Variants in PLA2G4A observed in about 807,000 individuals in gnomAD.
The protein encoded by PLA2G4A is cytosolic phospholipase A2.
In PLA2G4A, 40 loss-of-function variants were observed where a neutral mutation model predicts 81.9. That is an observed-to-expected ratio of 0.49 (90% CI 0.38 to 0.64). The LOEUF is 0.64. Among genes scored for constraint, PLA2G4A ranks in the 30% least tolerant of loss-of-function variants. The pLI is 0.00. For missense variants in PLA2G4A, 715 were observed against 905.1 expected (o/e 0.79, Z 2.69); for synonymous variants, 302 against 296.9 (o/e 1.02, Z -0.18).
At chr1:186,958,155 T>C (rs1302866956) in intron 14 of PLA2G4A, among the ~76,000 whole-genome samples, 1 of 152,106 alleles carries the variant, frequency 6.6e-6, no homozygotes, top group Non-Finnish European at 1.5e-5. Context: ...ACTCATTATA[T>C]TTTGTGTTAT....
chr1:186,837,850 A>G (rs1488434479), intron 1 of PLA2G4A, among the ~76,000 whole-genome samples: 2 of 151,798 alleles, frequency 1.3e-5, no homozygotes, highest in Admixed American at 1.3e-4. Flanking sequence ...GAGGAGAGGG[A>G]TTTTGCATCC....
chr1:186,924,915 G>T (rs1156284356), intron 7 of PLA2G4A, among the ~76,000 whole-genome samples: 2 of 152,088 alleles, frequency 1.3e-5, no homozygotes, highest in Admixed American at 6.5e-5. Flanking sequence ...AGGTATGGTA[G>T]TGCGCACCTG....
At chr1:186,840,493 G>A (rs1198311161) in intron 1 of PLA2G4A, among the ~76,000 whole-genome samples, 2 of 152,034 alleles carry the variant, frequency 1.3e-5, no homozygotes, top group Non-Finnish European at 2.9e-5. Flanking sequence ...TTTAGTGGCC[G>A]AACTTTACAG....
At chr1:186,914,915 G>T (rs1199066964) in intron 7 of PLA2G4A, among the ~76,000 whole-genome samples, 1 of 152,170 alleles carries the variant, frequency 6.6e-6, no homozygotes, top group Non-Finnish European at 1.5e-5. Context: ...TTGCAAGACG[G>T]ATCAATAGTG....
At chr1:186,959,095 C>A (rs1322866408) in intron 14 of PLA2G4A, among the ~76,000 whole-genome samples, 1 of 151,948 alleles carries the variant, frequency 6.6e-6, no homozygotes, top group African/African-American at 2.4e-5. Context: ...GAATTTTCAT[C>A]TTCTTTCTGT....
chr1:186,940,701 G>A (rs1656120623), intron 10 of PLA2G4A, among the ~76,000 whole-genome samples: 2 of 152,130 alleles, frequency 1.3e-5, no homozygotes. Flanking sequence ...ACAAAAGTCT[G>A]TACATGTTTA....
At chr1:186,924,345 A>T (rs1265182031) in intron 7 of PLA2G4A, among the ~76,000 whole-genome samples, 1 of 152,240 alleles carries the variant, frequency 6.6e-6, no homozygotes, top group Non-Finnish European at 1.5e-5. Context: ...CACCAGTGCT[A>T]ATAAATGCAC....
chr1:186,852,139 G>T (rs1293951199), intron 1 of PLA2G4A, among the ~76,000 whole-genome samples: 1 of 151,740 alleles, frequency 6.6e-6, no homozygotes, highest in East Asian at 1.9e-4. Flanking sequence ...GCCTACACAG[G>T]GACTGGAAAT....
chr1:186,861,002 G>A (rs1250946781), intron 2 of PLA2G4A, among the ~76,000 whole-genome samples: 1 of 152,130 alleles, frequency 6.6e-6, no homozygotes, highest in Non-Finnish European at 1.5e-5. Flanking sequence ...ATGCTAGTTT[G>A]TAGTCTTGGT....
At chr1:186,916,307 C>T (rs1655135221) in intron 7 of PLA2G4A, among the ~76,000 whole-genome samples, 1 of 152,222 alleles carries the variant, frequency 6.6e-6, no homozygotes, top group Non-Finnish European at 1.5e-5. Flanking sequence ...TTACATTGTC[C>T]CTTAGTACAG....
At chr1:186,901,602 T>C (rs1003857387) in intron 5 of PLA2G4A, among the ~76,000 whole-genome samples, 5 of 152,140 alleles carry the variant, frequency 3.3e-5, no homozygotes, top group African/African-American at 1.2e-4. Context: ...AAAGAAGTAA[T>C]AGAGTGGTTT....
intron 1 of PLA2G4A, among the ~76,000 whole-genome samples, chr1:186,853,096 C>G (rs1010042111): frequency 1.3e-5 from 2 of 151,582 alleles, no homozygotes; most frequent in Admixed American, 6.6e-5. Context: ...GGTTGATGCA[C>G]CAGAATGAAG....
At chr1:186,976,738 T>A (rs1433638300) in intron 15 of PLA2G4A, among the ~76,000 whole-genome samples, 1 of 152,150 alleles carries the variant, frequency 6.6e-6, no homozygotes, top group East Asian at 1.9e-4. Flanking sequence ...CCATATTGAT[T>A]TATGTTCTCC....
chr1:186,851,853 T>G (rs897765678), intron 1 of PLA2G4A, among the ~76,000 whole-genome samples: 1 of 151,986 alleles, frequency 6.6e-6, no homozygotes, highest in African/African-American at 2.4e-5. Context: ...TAATCATGTT[T>G]GTAAGATGTG....
intron 14 of PLA2G4A, among the ~76,000 whole-genome samples, chr1:186,958,543 G>A (rs6670830): frequency 0.96 from 145,907 of 152,300 alleles, 69,939 homozygotes; most frequent in East Asian, 1. Flanking sequence ...AAGATCAAAG[G>A]AGATAATTCT....
chr1:186,926,035 T>C (rs1487252117), intron 7 of PLA2G4A, among the ~76,000 whole-genome samples: 1 of 152,124 alleles, frequency 6.6e-6, no homozygotes, highest in African/African-American at 2.4e-5. Flanking sequence ...GGAACACGAG[T>C]ATCAGGTTGC....
At chr1:186,871,655 ACGGAGGTGGGGG>A (rs1483037058) in intron 3 of PLA2G4A, among the ~76,000 whole-genome samples, 1 of 152,108 alleles carries the variant, frequency 6.6e-6, no homozygotes, top group African/African-American at 2.4e-5. Flanking sequence ...AGAATAGATA[ACGGAGGTGGGGG>A]CTGGAAGGGC....
In PLA2G4A at chr1:186,955,734, C is replaced by CTTTTTTTTTTTTTTTTTTTTTTTTTTTT. The variant is rs59494152; in HGVS notation, c.1337-350_1337-349insTTTTTTTTTTTTTTTTTTTTTTTTTTTT. ...ACATTCAATTATCCAAAGAAGATCC[C>CTTTTTTTTTTTTTTTTTTTTTTTTTTTT]TTTTTTTTTTTTTTTTTTAAGACAG... On this transcript the variant is annotated intron_variant, in intron 13 of 17. Coordinates refer to ENST00000367466, the MANE Select transcript of PLA2G4A (RefSeq NM_024420.3). Among the ~76,000 whole-genome samples the CTTTTTTTTTTTTTTTTTTTTTTTTTTTT allele has an allele frequency of 1.8e-5, 2 of 108,820 alleles. 1 individual carries two copies. Among genetic ancestry groups the CTTTTTTTTTTTTTTTTTTTTTTTTTTTT allele is most frequent in the Non-Finnish European group, 3.4e-5 (2 of 58,306 alleles). 71.4% of individuals were successfully genotyped at this position (108,820 alleles called of 152,430 possible).
In PLA2G4A at chr1:186,988,511, C is replaced by A; in HGVS notation, c.*3C>A. 1.9e-6 allele frequency: 3 copies of A among 1,610,348 alleles called. No individual in the cohort carries two copies. In the African/African-American group the frequency reaches 4.0e-5, roughly 22 times the overall value. Reference sequence around the variant, plus strand: ...TTCTAAGTAAACCCAAAGCATAGTTCATGTACTGGAAATGGCAGCAGTTTC... The same window carrying A: ...TTCTAAGTAAACCCAAAGCATAGTTAATGTACTGGAAATGGCAGCAGTTTC... On this transcript the variant is annotated 3_prime_UTR_variant, in exon 18 of 18. Coordinates refer to ENST00000367466, the MANE Select transcript of PLA2G4A (RefSeq NM_024420.3).
Sources: gnomAD v4.1 joint callset for allele counts (sites outside exome capture counted in the v4.1 genomes callset) on GRCh38, gnomAD v4.1.1 for gene constraint, MANE v1.5 for transcripts, NCBI Gene and HGNC (gene_info 2026-07-23, HGNC 2026-07-21) for gene names.